LRRC7: variants seen among roughly 807,000 people sequenced by gnomAD.
LRRC7 encodes leucine-rich repeat-containing protein 7.
LRRC7 carries 23 observed loss-of-function variants against 175.7 expected under a neutral mutation model. The ratio of observed to expected loss-of-function variants is 0.13; its 90% CI spans 0.09 to 0.19. The LOEUF (loss-of-function observed/expected upper bound fraction) is 0.19. Among genes scored for constraint, LRRC7 ranks in the 10% least tolerant of loss-of-function variants. LRRC7 has a pLI of 1.00. For missense variants in LRRC7, 1,354 were observed against 1,904.7 expected (o/e 0.71, Z 5.38); for synonymous variants, 685 against 680.9 (o/e 1.01, Z -0.09).
rs1474410168 is a variant in LRRC7 at position 70,124,636 on chromosome 1, T to C, written c.*2749T>C. On this transcript the variant is annotated 3_prime_UTR_variant, in exon 27 of 27. Coordinates refer to ENST00000651989, the MANE Select transcript of LRRC7 (RefSeq NM_001370785.2). ...GTATAAACCTCACTAATTCTATAGG[T>C]GATGAAAACCAATTATACATTGATT... 1.3e-5 allele frequency among the ~76,000 whole-genome samples: 2 copies of C among 152,018 alleles called. No individual in the cohort carries two copies. Among genetic ancestry groups the C allele is most frequent in the Non-Finnish European group, 2.9e-5 (2 of 67,984 alleles).
At chr1:69,920,171 T>G (rs909498625) in intron 7 of LRRC7, 1 of 180,608 alleles carries the variant, frequency 5.5e-6, no homozygotes, top group African/African-American at 2.4e-5. Context: ...CACCAGGTCC[T>G]GGAGGCAGAT....
chr1:69,781,781 GAAAGA>G (rs1358814950), intron 3 of LRRC7, among the ~76,000 whole-genome samples: 1 of 63,566 alleles, frequency 1.6e-5, no homozygotes, highest in African/African-American at 8.1e-5. Flanking sequence ...AAGAAAGAAA[GAAAGA>G]AAGGAAGGAA....
chr1:69,884,737 A>T (rs1156554185), intron 7 of LRRC7, among the ~76,000 whole-genome samples: 1 of 146,402 alleles, frequency 6.8e-6, no homozygotes, highest in Non-Finnish European at 1.5e-5. Flanking sequence ...ATTCAGTATG[A>T]TATTGGCTGT....
chr1:69,576,278 T>G (rs547281053), intron 1 of LRRC7, among the ~76,000 whole-genome samples: 29 of 152,048 alleles, frequency 1.9e-4, no homozygotes, highest in Non-Finnish European at 3.1e-4. Context: ...AGATCCTTCC[T>G]TCTTCTAAAT....
chr1:70,008,504 T>C (rs968263521), intron 11 of LRRC7, among the ~76,000 whole-genome samples: 1 of 152,218 alleles, frequency 6.6e-6, no homozygotes, highest in African/African-American at 2.4e-5. Flanking sequence ...TTTCATGTCA[T>C]ATTTCATCTA....
chr1:69,862,449 C>A (rs1198308449), intron 7 of LRRC7, among the ~76,000 whole-genome samples: 1 of 152,060 alleles, frequency 6.6e-6, no homozygotes, highest in Non-Finnish European at 1.5e-5. Flanking sequence ...CAGTAAAAGA[C>A]CCCAGATATT....
In LRRC7 at chr1:69,925,238, C is replaced by T. The variant is rs923276432; in HGVS notation, c.648-6269C>T. 1.3e-3 allele frequency among the ~76,000 whole-genome samples: 203 copies of T among 152,250 alleles called. 1 individual carries two copies. Among genetic ancestry groups the T allele is most frequent in the Non-Finnish European group, 3.2e-4 (22 of 68,022 alleles). On this transcript the variant is annotated intron_variant, in intron 7 of 26. Transcript: ENST00000651989. Reference sequence around the variant, plus strand: ...TGAGGATTTTTCCATCAATGTTCATCAAGGATATTGGTCTGTAATTCTCTT... The same window carrying T: ...TGAGGATTTTTCCATCAATGTTCATTAAGGATATTGGTCTGTAATTCTCTT...
intron 25 of LRRC7, among the ~76,000 whole-genome samples, chr1:70,094,733 C>T (rs1181379856): frequency 6.6e-6 from 1 of 152,038 alleles, no homozygotes; most frequent in African/African-American, 2.4e-5. Context: ...ATACTTTTAT[C>T]CAAGGATAAC....
chr1:69,707,682 GCCCCCAAGTCAAAC>G (rs1664218173), intron 2 of LRRC7, among the ~76,000 whole-genome samples: 1 of 152,090 alleles, frequency 6.6e-6, no homozygotes, highest in East Asian at 1.9e-4. Context: ...TTGTTTCCTT[GCCCCCAAGTCAAAC>G]ATGCATAATA....
intron 7 of LRRC7, among the ~76,000 whole-genome samples, chr1:69,917,636 G>A (rs1646760938): frequency 6.6e-6 from 1 of 152,066 alleles, no homozygotes; most frequent in African/African-American, 2.4e-5. Flanking sequence ...ATCTTAGAGT[G>A]CACAAGATAG....
chr1:69,759,008 G>A (rs914499777), intron 2 of LRRC7, among the ~76,000 whole-genome samples: 1 of 151,954 alleles, frequency 6.6e-6, no homozygotes, highest in African/African-American at 2.4e-5. Flanking sequence ...TTAAGGATAA[G>A]TGAAACAAGA....
intron 18 of LRRC7, among the ~76,000 whole-genome samples, chr1:70,029,358 A>T (rs963350115): frequency 6.6e-6 from 1 of 152,136 alleles, no homozygotes; most frequent in African/African-American, 2.4e-5. Flanking sequence ...AGGTAGGGTG[A>T]TTCTGTTAAA....
chr1:69,925,489 G>T (rs565332020), intron 7 of LRRC7, among the ~76,000 whole-genome samples: 2 of 151,924 alleles, frequency 1.3e-5, no homozygotes, highest in African/African-American at 2.4e-5. Flanking sequence ...GCTGTTATTG[G>T]TCTATTCAGA....
At chr1:69,921,279 T>C (rs947582674) in intron 7 of LRRC7, among the ~76,000 whole-genome samples, 7 of 152,060 alleles carry the variant, frequency 4.6e-5, no homozygotes, top group African/African-American at 1.7e-4. Context: ...AAGATTTTAT[T>C]CCTCGAGTCT....
chr1:70,048,836 G>T (rs1025100607), intron 22 of LRRC7, among the ~76,000 whole-genome samples: 4 of 152,034 alleles, frequency 2.6e-5, no homozygotes, highest in Non-Finnish European at 4.4e-5. Context: ...GCAGTGAAAG[G>T]CTTAAGGTTA....
At chr1:69,622,526 C>G (rs896886254) in intron 1 of LRRC7, among the ~76,000 whole-genome samples, 4 of 152,120 alleles carry the variant, frequency 2.6e-5, no homozygotes, top group Non-Finnish European at 4.4e-5. Context: ...AATAAGACAT[C>G]ATAGACTTTA....
intron 2 of LRRC7, among the ~76,000 whole-genome samples, chr1:69,699,624 C>T (rs982684540): frequency 6.6e-6 from 1 of 152,176 alleles, no homozygotes; most frequent in Non-Finnish European, 1.5e-5. Context: ...CCTTGCAACT[C>T]CTTCAGTAGC....
intron 7 of LRRC7, among the ~76,000 whole-genome samples, chr1:69,856,736 A>C (rs1370841838): frequency 2.0e-5 from 3 of 152,176 alleles, no homozygotes; most frequent in Non-Finnish European, 4.4e-5. Context: ...CAATAGAAAA[A>C]GAGGGAATCC....
rs945124286 is a variant in LRRC7, at chr1:70,136,979, C to T, written c.*15092C>T. The stretch of plus-strand genomic sequence containing the variant: ...AGCTCAAGTGATCCTCCCACCTCAG[C>T]CTCCCAAAGTGCTGGGATGATAGGC... On this transcript the variant is annotated 3_prime_UTR_variant, in exon 27 of 27. Coordinates refer to ENST00000651989, the MANE Select transcript of LRRC7 (RefSeq NM_001370785.2). 1.3e-5 allele frequency among the ~76,000 whole-genome samples: 2 copies of T among 152,032 alleles called. No individual in the cohort carries two copies. The highest frequency in any genetic ancestry group is 4.8e-5 in the African/African-American group (2 of 41,398).
Sources: allele counts gnomAD v4.1 joint callset (sites outside exome capture counted in the v4.1 genomes callset), GRCh38; gene constraint gnomAD v4.1.1; transcripts MANE v1.5; gene names NCBI Gene and HGNC (gene_info 2026-07-23, HGNC 2026-07-21).